SMARCA4: variants seen among roughly 807,000 people sequenced by gnomAD.
SMARCA4 encodes the protein SWI/SNF related BAF chromatin remodeling complex subunit ATPase 4, also known as SWI/SNF-related matrix-associated actin-dependent regulator of chromatin subfamily A member 4.
In SMARCA4, 31 loss-of-function variants were observed where a neutral mutation model predicts 193.9. That is an observed-to-expected ratio of 0.16 (90% CI 0.12 to 0.22). The LOEUF is 0.22. Ranked by LOEUF, SMARCA4 falls within the 10% of genes least tolerant of loss-of-function variation. The probability of loss-of-function intolerance (pLI) is 1.00; values close to 1 mark genes in which losing one functional copy is unlikely to be tolerated. For missense variants in SMARCA4, 1,148 were observed against 2,296.0 expected (o/e 0.50, Z 10.22); for synonymous variants, 942 against 933.1 (o/e 1.01, Z -0.17).
At chr19:11,001,774 G>A (rs913857727) in intron 11 of SMARCA4, among the ~76,000 whole-genome samples, 2 of 152,126 alleles carry the variant, frequency 1.3e-5, no homozygotes, top group Non-Finnish European at 2.9e-5. Context: ...ATAAATTCCT[G>A]GAAGATGAAA....
rs1334449828 is a variant in SMARCA4 at position 11,033,146 on chromosome 19, T to C, written c.3547-144T>C. On this transcript the variant is annotated intron_variant, in intron 25 of 34. Coordinates refer to ENST00000344626, the MANE Select transcript of SMARCA4 (RefSeq NM_003072.5). The surrounding 1 kb of genome is among the most constrained non-coding windows in gnomAD (Gnocchi z 9.8). ...GGCCCAGGCTCCACCAGCTCTGTTT[T>C]CATGCGGCGGCAGGTCAGGCTGGGC... 4.2e-6 allele frequency: 3 copies of C among 713,820 alleles called. No homozygotes were observed. The highest frequency in any genetic ancestry group is 4.0e-5 in the Admixed American group (2 of 50,324). 44.2% of individuals were successfully genotyped at this position (713,820 alleles called of 1,614,324 possible). A position where few individuals can be genotyped will look rare whatever the true frequency, so the allele number is the denominator to read the frequency against.
chr19:10,982,430 C>T (rs565467185), intron 1 of SMARCA4, among the ~76,000 whole-genome samples: 28 of 151,920 alleles, frequency 1.8e-4, no homozygotes, highest in Admixed American at 1.6e-3. Context: ...GCCAAGATCA[C>T]GCCATTGCAC....
intron 16 of SMARCA4, among the ~76,000 whole-genome samples, chr19:11,015,488 G>A (rs982144611): frequency 2.0e-5 from 3 of 152,138 alleles, no homozygotes; most frequent in Non-Finnish European, 2.9e-5. Context: ...GTGCCTTAGC[G>A]GGGAAGGCAT....
chr19:10,967,086 C>A (rs2084281753), intron 1 of SMARCA4, among the ~76,000 whole-genome samples: 1 of 152,124 alleles, frequency 6.6e-6, no homozygotes, highest in Non-Finnish European at 1.5e-5. Flanking sequence ...TTGAAGTTTT[C>A]TGTTAACTGC....
intron 30 of SMARCA4, among the ~76,000 whole-genome samples, chr19:11,048,261 TCA>T (rs1042611800): frequency 6.6e-6 from 1 of 152,152 alleles, no homozygotes; most frequent in Admixed American, 6.5e-5. Flanking sequence ...AGGCAGAGTC[TCA>T]CTCTGTCACC....
rs765325777 is a variant in SMARCA4 at position 10,984,277 on chromosome 19, G to T, written c.126G>T (p.Met42Ile). Residue 42 changes from methionine (M) to isoleucine (I), a missense_variant, in exon 2 of 35, where the codon ATG becomes ATT. This residue lies in a region of SMARCA4 where 201 missense variants were observed against 248.3 expected (regional missense o/e 0.81). Coordinates refer to ENST00000344626, the MANE Select transcript of SMARCA4 (RefSeq NM_003072.5). This position sits in a 1 kb window ranked among gnomAD's most constrained non-coding sequence, Gnocchi z 4.3. Reference protein sequence around the residue: ...PGPSPGSAHSMMGPSPGPPSA... With the variant: ...PGPSPGSAHSIMGPSPGPPSA... ...CCTCGCCGGGCTCCGCCCACAGCAT[G>T]ATGGGGCCCAGCCCAGGGCCGCCCT... 1 of 1,610,920 alleles carries T rather than the reference G, an allele frequency of 6.2e-7. No homozygotes were observed. Among genetic ancestry groups the T allele is most frequent in the Non-Finnish European group, 8.5e-7 (1 of 1,178,986 alleles).
intron 30 of SMARCA4, among the ~76,000 whole-genome samples, chr19:11,044,989 A>C (rs2075818116): frequency 1.3e-5 from 2 of 152,230 alleles, no homozygotes; most frequent in Admixed American, 1.3e-4. Flanking sequence ...ACCTGGAAGA[A>C]GCTTACATTT....
chr19:10,967,374 G>T (rs529935277), intron 1 of SMARCA4, among the ~76,000 whole-genome samples: 141 of 152,102 alleles, frequency 9.3e-4, no homozygotes, highest in African/African-American at 3.3e-3. Flanking sequence ...GCAGTGGCAC[G>T]ATCTCAGCTC....
At chr19:11,021,478 C>T (rs1006782461) in intron 18 of SMARCA4, 3 of 622,090 alleles carry the variant, frequency 4.8e-6, no homozygotes, top group South Asian at 3.3e-5. Context: ...TTGCAATTTG[C>T]ATTGTTCACC....
In SMARCA4 at chr19:11,034,994, C is replaced by A. The variant is rs745307333; in HGVS notation, c.4032C>A (p.Pro1344=). The A allele has an allele frequency of 2.4e-5, 38 of 1,610,170 alleles. No individual in the cohort carries two copies. The highest frequency in any genetic ancestry group is 1.7e-6 in the Non-Finnish European group (2 of 1,178,824). Reference sequence around the variant, plus strand: ...GCCTCATGGAGGAGGACGAGCTCCCCTCGTGGATCATCAAGGACGACGCGG... The same window carrying A: ...GCCTCATGGAGGAGGACGAGCTCCCATCGTGGATCATCAAGGACGACGCGG... ...KPRLMEEDEL[P]SWIIKDDAEV... is the part of the protein sequence containing the mutation. Residue 1344 remains proline, a synonymous_variant, in exon 29 of 35, where the codon CCC becomes CCA. Transcript: ENST00000344626. This position sits in a 1 kb window ranked among gnomAD's most constrained non-coding sequence, Gnocchi z 7.0.
intron 20 of SMARCA4, 121 bp from the exon 21 acceptor site, chr19:11,024,210 C>T (rs2146467195): frequency 1.4e-6 from 1 of 740,514 alleles, no homozygotes; most frequent in East Asian, 2.6e-5. Flanking sequence ...TCACCCACAC[C>T]CCAGTGTGCT....
At chr19:11,043,932 C>T (rs1886300676) in intron 30 of SMARCA4, among the ~76,000 whole-genome samples, 1 of 152,168 alleles carries the variant, frequency 6.6e-6, no homozygotes, top group Admixed American at 6.5e-5. Context: ...GCCAAGATTG[C>T]ACCACTGCAC....
rs2085872383 is a variant in SMARCA4 at position 10,984,805 on chromosome 19, C to T, written c.222+432C>T. Among the ~76,000 whole-genome samples the T allele has an allele frequency of 6.6e-6, 1 of 152,222 alleles. No individual in the cohort carries two copies. Among genetic ancestry groups the T allele is most frequent in the Admixed American group, 6.5e-5 (1 of 15,288 alleles). ...TTTCCTCCAAGGCGTGCCCCTCAGC[C>T]ACTGTCTTTACCTCACCTGCGCTGA... On this transcript the variant is annotated intron_variant, in intron 2 of 34. Coordinates refer to ENST00000344626, the MANE Select transcript of SMARCA4 (RefSeq NM_003072.5). The surrounding 1 kb of genome is among the most constrained non-coding windows in gnomAD (Gnocchi z 4.3).
chr19:11,060,587 A>C, intron 34 of SMARCA4: 3 of 299,206 alleles, frequency 1.0e-5, no homozygotes, highest in Non-Finnish European at 2.0e-5. Context: ...GGCATAGAGA[A>C]TGGGCAGAAA....
At chr19:11,006,488 C>T (rs903133223) in intron 13 of SMARCA4, among the ~76,000 whole-genome samples, 3 of 152,152 alleles carry the variant, frequency 2.0e-5, no homozygotes, top group Non-Finnish European at 4.4e-5. Flanking sequence ...CGGTGTCTCA[C>T]GCCTGTAATC....
In SMARCA4 at chr19:11,041,567, G is replaced by A. The variant is rs753881649; in HGVS notation, c.4424+7G>A. ...TGATCAAGTACAAGGACAGGTAAGC[G>A]AGGAGGCGGGGAGGGCGGGGGCTGT... On this transcript the variant is annotated splice_region_variant and intron_variant, in intron 30 of 34. Coordinates refer to ENST00000344626, the MANE Select transcript of SMARCA4 (RefSeq NM_003072.5). The surrounding 1 kb of genome is among the most constrained non-coding windows in gnomAD (Gnocchi z 5.6). 17 of 1,611,620 alleles carry A rather than the reference G, an allele frequency of 1.1e-5. No individual in the cohort carries two copies. Among genetic ancestry groups the A allele is most frequent in the African/African-American group, 2.7e-5 (2 of 75,022 alleles).
chr19:11,005,263 G>C (rs759685652), intron 13 of SMARCA4, among the ~76,000 whole-genome samples: 5 of 152,194 alleles, frequency 3.3e-5, no homozygotes, highest in Admixed American at 6.6e-5. Context: ...CTGGGGCTCA[G>C]TCTGTGAAAT....
Position 11,041,081 on chromosome 19 carries a change from C to A in SMARCA4, c.4171-226C>A. ...AATTCAACCATTAGTTTTTTAAAGACAAGCTTGGGTGGGGTGCCTGCTGGG... is the reference window on the plus strand; with the variant it reads ...AATTCAACCATTAGTTTTTTAAAGAAAAGCTTGGGTGGGGTGCCTGCTGGG... On this transcript the variant is annotated intron_variant, in intron 29 of 34. Coordinates refer to ENST00000344626, the MANE Select transcript of SMARCA4 (RefSeq NM_003072.5). The surrounding 1 kb of genome is among the most constrained non-coding windows in gnomAD (Gnocchi z 5.6). 1 of 540,750 alleles carries A rather than the reference C, an allele frequency of 1.8e-6. No homozygotes were observed. Among genetic ancestry groups the A allele is most frequent in the Non-Finnish European group, 3.3e-6 (1 of 306,858 alleles). The allele number at this position is 540,750 out of a possible 1,614,324, so 33.5% of individuals were successfully genotyped here. A position where few individuals can be genotyped will look rare whatever the true frequency, so the allele number is the denominator to read the frequency against.
At chr19:11,052,780 A>T (rs1159220900) in intron 30 of SMARCA4, among the ~76,000 whole-genome samples, 1 of 152,152 alleles carries the variant, frequency 6.6e-6, no homozygotes, top group African/African-American at 2.4e-5. Flanking sequence ...CCCTGCACTC[A>T]GGACCGACTG....
Sources: gnomAD v4.1 joint callset for allele counts (sites outside exome capture counted in the v4.1 genomes callset) on GRCh38, gnomAD v4.1.1 for gene constraint, gnomAD v4.1.1 regional missense constraint, Gnocchi (gnomAD v3.1) non-coding constraint, MANE v1.5 for transcripts, NCBI Gene and HGNC (gene_info 2026-07-23, HGNC 2026-07-21) for gene names.